SPIN1: variants seen among roughly 807,000 people sequenced by gnomAD.
SPIN1 encodes spindlin 1.
Under a neutral mutation model 26.0 loss-of-function variants are expected in SPIN1, and 3 were observed. That is an observed-to-expected ratio of 0.12 (90% CI 0.05 to 0.30). SPIN1 has a LOEUF of 0.30. Ranked by LOEUF, SPIN1 falls within the 10% of genes least tolerant of loss-of-function variation. The pLI, the probability that SPIN1 is intolerant of heterozygous loss-of-function variation, is 1.00. For synonymous variants in SPIN1, 101 were observed against 116.5 expected (o/e 0.87, Z 0.86); for missense variants, 126 against 333.4 (o/e 0.38, Z 4.84).
At chr9:88,415,498 C>T (rs797011763) in intron 1 of SPIN1, 2 of 152,272 alleles carry the variant, frequency 1.3e-5, no homozygotes, top group African/African-American at 2.4e-5. Context: ...TCACTGCAAC[C>T]TCTGTTTCCC....
intron 2 of SPIN1, among the ~76,000 whole-genome samples, chr9:88,442,046 G>C (rs531383309): frequency 4.0e-5 from 6 of 150,366 alleles, no homozygotes; most frequent in African/African-American, 1.5e-4. Flanking sequence ...GTGCCTCCTG[G>C]GTTCAAGCAG....
chr9:88,446,542 G>T (rs938417415), intron 2 of SPIN1, among the ~76,000 whole-genome samples: 1 of 151,882 alleles, frequency 6.6e-6, no homozygotes, highest in African/African-American at 2.4e-5. Flanking sequence ...GAGTAGCTGG[G>T]ATTACAGGTG....
chr9:88,412,071 C>A (rs866615356), intron 1 of SPIN1, among the ~76,000 whole-genome samples: 5 of 151,406 alleles, frequency 3.3e-5, no homozygotes, highest in Admixed American at 3.3e-4. Flanking sequence ...CCCAGCTACT[C>A]GGGAGGCTGA....
intron 1 of SPIN1, among the ~76,000 whole-genome samples, chr9:88,390,205 A>G (rs1826889060): frequency 1.3e-5 from 2 of 152,232 alleles, no homozygotes; most frequent in African/African-American, 4.8e-5. Context: ...TCCAGGAAAC[A>G]GTGAAAATGG....
chr9:88,410,047 G>C (rs1827403571), intron 1 of SPIN1, among the ~76,000 whole-genome samples: 1 of 151,962 alleles, frequency 6.6e-6, no homozygotes, highest in Non-Finnish European at 1.5e-5. Flanking sequence ...CTTAACACTT[G>C]GCAATTGCTC....
rs140124654 is a variant in SPIN1 at position 88,449,563 on chromosome 9, C to A, written c.101+574C>A. On this transcript the variant is annotated intron_variant, in intron 3 of 5. Transcript: ENST00000375859. The stretch of plus-strand genomic sequence containing the variant: ...CCTAAATTCTGTAGATACCAGCTTA[C>A]AGAAGCCACTTTTTTCCCTAATTTT... Among the ~76,000 whole-genome samples the A allele has an allele frequency of 3.6e-3, 553 of 152,190 alleles. 2 individuals carry two copies. The highest frequency in any genetic ancestry group is 0.013 in the African/African-American group (520 of 41,462).
At chr9:88,398,430 C>T (rs1211078150) in intron 1 of SPIN1, among the ~76,000 whole-genome samples, 4 of 152,040 alleles carry the variant, frequency 2.6e-5, no homozygotes, top group Admixed American at 6.6e-5. Flanking sequence ...TGGTATCTAG[C>T]TCAGTGTCTG....
At chr9:88,435,047 A>G (rs1827972315) in intron 2 of SPIN1, among the ~76,000 whole-genome samples, 1 of 149,276 alleles carries the variant, frequency 6.7e-6, no homozygotes, top group African/African-American at 2.5e-5. Flanking sequence ...GTGAGACTCC[A>G]GCTCAAAAAA....
intron 5 of SPIN1, among the ~76,000 whole-genome samples, chr9:88,473,684 C>G (rs757722117): frequency 6.7e-6 from 1 of 149,540 alleles, no homozygotes; most frequent in Non-Finnish European, 1.5e-5. Flanking sequence ...AAGCTTATTA[C>G]CTTTAGAAAC....
At chr9:88,413,889 C>T (rs1827507220) in intron 1 of SPIN1, among the ~76,000 whole-genome samples, 1 of 152,178 alleles carries the variant, frequency 6.6e-6, no homozygotes, top group South Asian at 2.1e-4. Flanking sequence ...TGGATACCAG[C>T]TGCAAACTTC....
intron 1 of SPIN1, among the ~76,000 whole-genome samples, chr9:88,417,913 T>G (rs1827598288): frequency 6.6e-6 from 1 of 152,206 alleles, no homozygotes. Context: ...GATTACCATT[T>G]TATAGTAAAG....
chr9:88,405,260 G>A (rs190334001), intron 1 of SPIN1, among the ~76,000 whole-genome samples: 100 of 152,072 alleles, frequency 6.6e-4, no homozygotes, highest in African/African-American at 1.9e-3. Flanking sequence ...ACAGGGTCTC[G>A]CTCTGTCTCC....
chr9:88,393,710 C>T (rs949821551), intron 1 of SPIN1, among the ~76,000 whole-genome samples: 5 of 152,112 alleles, frequency 3.3e-5, no homozygotes, highest in South Asian at 2.1e-4. Context: ...CCGCCTCGGC[C>T]TCCCAGAGTG....
intron 2 of SPIN1, among the ~76,000 whole-genome samples, chr9:88,440,341 T>C (rs971135285): frequency 4.6e-5 from 7 of 151,910 alleles, no homozygotes; most frequent in African/African-American, 1.5e-4. Context: ...TTTTTAAAAA[T>C]AGAGACAGAG....
At chr9:88,456,946 A>G (rs1457512261) in intron 3 of SPIN1, among the ~76,000 whole-genome samples, 2 of 152,188 alleles carry the variant, frequency 1.3e-5, no homozygotes, top group African/African-American at 4.8e-5. Flanking sequence ...TAAGACAAAG[A>G]CATTAAAAAT....
chr9:88,444,691 CTTTTTTT>C (rs1226379698), intron 2 of SPIN1, among the ~76,000 whole-genome samples: 2 of 123,068 alleles, frequency 1.6e-5, no homozygotes, highest in Non-Finnish European at 3.4e-5. Flanking sequence ...CTTTTCTTTT[CTTTTTTT>C]TTTTTTTTTT....
rs374255331 is a variant in SPIN1, at chr9:88,446,761, C to T, written c.53-2180C>T. The stretch of plus-strand genomic sequence containing the variant: ...ATTTATTCCACTGTCTTCAGGCTTA[C>T]GTTGTTTCTGACATCAATTTTGGAG... On this transcript the variant is annotated intron_variant, in intron 2 of 5. Coordinates refer to ENST00000375859, the MANE Select transcript of SPIN1 (RefSeq NM_006717.3). 1.2e-4 allele frequency among the ~76,000 whole-genome samples: 18 copies of T among 152,230 alleles called. No homozygotes were observed. The East Asian group carries it at 2.1e-3, about 18-fold the overall frequency.
At chr9:88,473,786 T>C (rs1212229196) in intron 5 of SPIN1, among the ~76,000 whole-genome samples, 1 of 152,172 alleles carries the variant, frequency 6.6e-6, no homozygotes, top group East Asian at 1.9e-4. Context: ...ACTCCCTTGG[T>C]TAGCTGAGTT....
chr9:88,392,724 G>T (rs1218884982), intron 1 of SPIN1, among the ~76,000 whole-genome samples: 1 of 152,030 alleles, frequency 6.6e-6, no homozygotes, highest in Admixed American at 6.6e-5. Context: ...CAGGGGACGA[G>T]AACACCTACC....
Sources: allele counts gnomAD v4.1 joint callset (sites outside exome capture counted in the v4.1 genomes callset), GRCh38; gene constraint gnomAD v4.1.1; transcripts MANE v1.5; gene names NCBI Gene and HGNC (gene_info 2026-07-23, HGNC 2026-07-21).